The following LIN54 variants were observed in gnomAD, a reference collection of about 807,000 sequenced individuals.
The protein encoded by LIN54 is protein lin-54 homolog.
A neutral mutation model predicts 78.7 loss-of-function variants in LIN54; 9 were observed. The ratio of observed to expected loss-of-function variants is 0.11; its 90% CI spans 0.07 to 0.20. The LOEUF is 0.20. Ranked by LOEUF, LIN54 falls within the 10% of genes least tolerant of loss-of-function variation. The pLI is 1.00. For missense variants in LIN54, 573 were observed against 889.9 expected (o/e 0.64, Z 4.53); for synonymous variants, 269 against 318.4 (o/e 0.84, Z 1.65).
intron 3 of LIN54, among the ~76,000 whole-genome samples, chr4:82,972,858 A>G (rs11946975): frequency 0.36 from 53,461 of 150,364 alleles, 11,283 homozygotes; most frequent in African/African-American, 0.59. Context: ...GCGTGCGTCT[A>G]TAATCCCAGC....
At chr4:82,941,176 C>A (rs1388847584) in intron 5 of LIN54, among the ~76,000 whole-genome samples, 9 of 74,996 alleles carry the variant, frequency 1.2e-4, no homozygotes, top group East Asian at 6.8e-4. Flanking sequence ...ATATATATAT[C>A]GTTGGCAGAG....
intron 1 of LIN54, among the ~76,000 whole-genome samples, chr4:82,987,947 A>C (rs1727320748): frequency 1.3e-5 from 2 of 152,224 alleles, no homozygotes; most frequent in African/African-American, 4.8e-5. Flanking sequence ...ATCCTTGAGG[A>C]ATCACCATAC....
At position 82,925,995 on chromosome 4, in the gene LIN54, G is replaced by A. The variant is rs529670948; in HGVS notation, c.*2107C>T. 3.7e-4 allele frequency: 57 copies of A among 152,610 alleles called. No homozygotes were observed. Among genetic ancestry groups the A allele is most frequent in the African/African-American group, 1.3e-3 (52 of 41,550 alleles). The allele number at this position is 152,610 out of a possible 1,614,324, so 9.5% of individuals were successfully genotyped here. ...GTAAGTACTACACAGGAAGGAAAAG[G>A]CTTAATATTTTAGATAGATAGATTT... is the stretch of plus-strand genomic sequence containing the variant. On this transcript the variant is annotated 3_prime_UTR_variant, in exon 13 of 13. Transcript: ENST00000340417.
At chr4:82,937,606 A>T (rs1405765784) in intron 8 of LIN54, among the ~76,000 whole-genome samples, 1 of 152,198 alleles carries the variant, frequency 6.6e-6, no homozygotes, top group Non-Finnish European at 1.5e-5. Context: ...GCTAAAGAAC[A>T]CTCCACAAAC....
rs779101819 is a variant in LIN54 at position 82,984,347 on chromosome 4, T to C, written c.498A>G (p.Lys166=). The part of the protein sequence containing the change: ...LPHSQLPQAQ[K]VTTQAQSGDA... Reference sequence around the variant, plus strand: ...CTCCTGACTGGGCCTGAGTTGTAACTTTCTGAGCCTGGGGTAGTTGGCTAT... The same window carrying C: ...CTCCTGACTGGGCCTGAGTTGTAACCTTCTGAGCCTGGGGTAGTTGGCTAT... Residue 166 remains lysine (K), a synonymous_variant, in exon 2 of 13, where the codon AAA becomes AAG. Coordinates refer to ENST00000340417, the MANE Select transcript of LIN54 (RefSeq NM_194282.4). 2 of 1,614,088 alleles carry C rather than the reference T, an allele frequency of 1.2e-6. No homozygotes were observed. The highest frequency in any genetic ancestry group is 1.7e-6 in the Non-Finnish European group (2 of 1,180,044).
At chr4:83,004,909 T>G (rs1729217202) in intron 1 of LIN54, among the ~76,000 whole-genome samples, 2 of 152,206 alleles carry the variant, frequency 1.3e-5, no homozygotes, top group Admixed American at 1.3e-4. Flanking sequence ...TTTTGTTTGT[T>G]TTTGAGACAG....
Position 82,949,427 on chromosome 4 carries a change from C to T in LIN54, c.952-2953G>A, listed in dbSNP as rs558063389. 5.3e-5 allele frequency among the ~76,000 whole-genome samples: 8 copies of T among 151,756 alleles called. No homozygotes were observed. In the South Asian group the frequency reaches 1.7e-3, roughly 32 times the overall value. ...TGTTGTTGTTGTTGAGATGGAGTTTCACTCGGTTGCCCAAGCTAGAGTGCA... is the reference window on the plus strand; with the variant it reads ...TGTTGTTGTTGTTGAGATGGAGTTTTACTCGGTTGCCCAAGCTAGAGTGCA... On this transcript the variant is annotated intron_variant, in intron 4 of 12. Transcript: ENST00000340417.
chr4:82,929,815 A>G (rs1190565386), intron 12 of LIN54, among the ~76,000 whole-genome samples: 1 of 152,144 alleles, frequency 6.6e-6, no homozygotes, highest in African/African-American at 2.4e-5. Context: ...CAAAAAGAAA[A>G]CAAAACAAAA....
chr4:82,944,284 T>C (rs1210610377), intron 5 of LIN54, among the ~76,000 whole-genome samples: 3 of 152,152 alleles, frequency 2.0e-5, no homozygotes, highest in African/African-American at 7.2e-5. Flanking sequence ...TTAGGTTTAA[T>C]CCATTATATG....
intron 4 of LIN54, among the ~76,000 whole-genome samples, chr4:82,961,485 G>A (rs932170957): frequency 5.3e-5 from 8 of 151,994 alleles, no homozygotes; most frequent in Non-Finnish European, 1.2e-4. Flanking sequence ...ACCTACCATA[G>A]GCCAGACAAA....
Position 82,946,477 on chromosome 4 carries a change from A to T in LIN54, c.952-3T>A. The T allele has an allele frequency of 6.2e-7, 1 of 1,602,398 alleles. No homozygotes were observed. The highest frequency in any genetic ancestry group is 8.6e-7 in the Non-Finnish European group (1 of 1,169,272). On this transcript the variant is annotated splice_region_variant and splice_polypyrimidine_tract_variant and intron_variant, in intron 4 of 12. Coordinates refer to ENST00000340417, the MANE Select transcript of LIN54 (RefSeq NM_194282.4). ...GTCTGCACAGTTGATTTCACTGCCT[A>T]TTAAACAATACAACATGGCTGTCAT...
At chr4:83,006,968 C>T (rs371587008) in intron 1 of LIN54, among the ~76,000 whole-genome samples, 16 of 151,768 alleles carry the variant, frequency 1.1e-4, no homozygotes, top group Middle Eastern at 3.4e-3. Flanking sequence ...GGTCAAACCC[C>T]GTCTCTACTA....
chr4:83,000,785 T>C (rs147260800), intron 1 of LIN54, among the ~76,000 whole-genome samples: 26 of 148,612 alleles, frequency 1.7e-4, no homozygotes, highest in Non-Finnish European at 2.2e-4. Context: ...ATCATTGTTA[T>C]AGACAAAGCC....
At chr4:82,958,486 T>A (rs1724518750) in intron 4 of LIN54, among the ~76,000 whole-genome samples, 1 of 152,184 alleles carries the variant, frequency 6.6e-6, no homozygotes, top group Non-Finnish European at 1.5e-5. Context: ...GGAATGGCAA[T>A]AACCATCAGG....
chr4:82,928,377 T>A, intron 12 of LIN54, 74 bp from the exon 13 acceptor site: 1 of 1,159,156 alleles, frequency 8.6e-7, no homozygotes, highest in Non-Finnish European at 1.3e-6. Flanking sequence ...TTCTTTCATC[T>A]GGAAATCTCT....
chr4:83,004,412 A>AG (rs1181356659), intron 1 of LIN54, among the ~76,000 whole-genome samples: 12 of 151,314 alleles, frequency 7.9e-5, no homozygotes, highest in African/African-American at 2.9e-4. Flanking sequence ...AAAAAAAAAA[A>AG]AAAAGAAAGA....
At chr4:82,996,279 A>G (rs981998192) in intron 1 of LIN54, among the ~76,000 whole-genome samples, 1 of 152,104 alleles carries the variant, frequency 6.6e-6, no homozygotes, top group Non-Finnish European at 1.5e-5. Flanking sequence ...CCAAGAAAAG[A>G]GAGGCTCTTC....
chr4:82,978,630 T>C (rs1471374107), intron 3 of LIN54, among the ~76,000 whole-genome samples: 1 of 152,182 alleles, frequency 6.6e-6, no homozygotes, highest in African/African-American at 2.4e-5. Context: ...GTATAAATAT[T>C]AGCTACTATT....
chr4:82,927,868 A>G lies in LIN54; in HGVS notation c.*234T>C, dbSNP rs1721611049. 2 of 426,216 alleles carry G rather than the reference A, an allele frequency of 4.7e-6. No individual in the cohort carries two copies. Among genetic ancestry groups the G allele is most frequent in the Non-Finnish European group, 8.3e-6 (2 of 241,516 alleles). The allele number at this position is 426,216 out of a possible 1,614,324, so 26.4% of individuals were successfully genotyped here. ...CTTAAGAAACCCAAGCAAATTAAAA[A>G]ATCTATATAATAAAGAAAAATTCAA... On this transcript the variant is annotated 3_prime_UTR_variant, in exon 13 of 13. Coordinates refer to ENST00000340417, the MANE Select transcript of LIN54 (RefSeq NM_194282.4).
Sources: allele counts gnomAD v4.1 joint callset (sites outside exome capture counted in the v4.1 genomes callset), GRCh38; gene constraint gnomAD v4.1.1; transcripts MANE v1.5; gene names NCBI Gene and HGNC (gene_info 2026-07-23, HGNC 2026-07-21).